THSD4: variants seen among roughly 807,000 people sequenced by gnomAD.
THSD4 encodes thrombospondin type 1 domain containing 4, also known as thrombospondin type-1 domain-containing protein 4.
A neutral mutation model predicts 119.0 loss-of-function variants in THSD4; 69 were observed. That is an observed-to-expected ratio of 0.58 (90% CI 0.48 to 0.71). The LOEUF (loss-of-function observed/expected upper bound fraction) is 0.71. Ranked by LOEUF, THSD4 falls within the 30% of genes least tolerant of loss-of-function variation. The pLI is 0.00. For synonymous variants in THSD4, 524 were observed against 540.4 expected, an observed-to-expected ratio of 0.97 and a Z score of 0.42; for missense variants, 1,393 against 1,391.1, an observed-to-expected ratio of 1.00 and a Z score of -0.02.
At chr15:71,375,361 C>G (rs761064633) in intron 6 of THSD4, among the ~76,000 whole-genome samples, 7 of 152,134 alleles carry the variant, frequency 4.6e-5, no homozygotes, top group Non-Finnish European at 1.0e-4. Context: ...TCTGAGCAGC[C>G]TTTTCTGACC....
chr15:71,675,687 C>T (rs2051631373), intron 8 of THSD4, among the ~76,000 whole-genome samples: 1 of 152,184 alleles, frequency 6.6e-6, no homozygotes, highest in African/African-American at 2.4e-5. Context: ...TCACAACACT[C>T]ACACAAGGTG....
At chr15:71,163,307 A>G (rs1380755843) in intron 3 of THSD4, among the ~76,000 whole-genome samples, 1 of 151,894 alleles carries the variant, frequency 6.6e-6, no homozygotes, top group Non-Finnish European at 1.5e-5. Flanking sequence ...TCCAGGACTC[A>G]GATGTTCAGT....
Position 71,378,002 on chromosome 15 carries a change from T to A in THSD4, c.1016-33685T>A, listed in dbSNP as rs2046173177. ...ATTTTCCACCTACTTATAGGCTTAG[T>A]TGTTCAAGGCTAGCTACTGAGATGT... On this transcript the variant is annotated intron_variant, in intron 6 of 17. Coordinates refer to ENST00000261862, the MANE Select transcript of THSD4 (RefSeq NM_024817.3). Among the ~76,000 whole-genome samples, 3 of 152,134 alleles carry A rather than the reference T, an allele frequency of 2.0e-5. No individual in the cohort carries two copies. In the South Asian group the frequency reaches 6.2e-4, roughly 32 times the overall value.
chr15:71,106,840 A>G (rs1321633092), intron 1 of THSD4, among the ~76,000 whole-genome samples: 1 of 151,912 alleles, frequency 6.6e-6, no homozygotes. Context: ...TGATTTGTAC[A>G]TTGAGTCTTA....
chr15:71,161,807 C>T (rs1306728194), intron 3 of THSD4, among the ~76,000 whole-genome samples: 2 of 151,524 alleles, frequency 1.3e-5, no homozygotes, highest in Admixed American at 6.6e-5. Flanking sequence ...TTTTGAAGAT[C>T]CTTTGTTTCT....
At chr15:71,494,444 A>G (rs2047977985) in intron 7 of THSD4, among the ~76,000 whole-genome samples, 2 of 152,178 alleles carry the variant, frequency 1.3e-5, no homozygotes, top group South Asian at 2.1e-4. Flanking sequence ...TAGCTCCCCA[A>G]TAGGACACTG....
At chr15:71,339,319 C>A (rs2045531739) in intron 6 of THSD4, among the ~76,000 whole-genome samples, 1 of 151,962 alleles carries the variant, frequency 6.6e-6, no homozygotes, top group African/African-American at 2.4e-5. Flanking sequence ...AGAAATACTC[C>A]TACTCATCCT....
intron 8 of THSD4, among the ~76,000 whole-genome samples, chr15:71,676,640 G>A (rs779874376): frequency 1.2e-4 from 18 of 151,886 alleles, no homozygotes; most frequent in South Asian, 2.1e-4. Flanking sequence ...TTCTTTCCCC[G>A]TCCTCCAAGC....
intron 7 of THSD4, among the ~76,000 whole-genome samples, chr15:71,603,907 C>T (rs1286171848): frequency 6.6e-6 from 1 of 152,096 alleles, no homozygotes; most frequent in East Asian, 1.9e-4. Context: ...AAGGAGAATT[C>T]AGTCCAAGGT....
At position 71,599,374 on chromosome 15, in the gene THSD4, C is replaced by G. The variant is rs80296878; in HGVS notation, c.1153-61156C>G. 0.012 allele frequency among the ~76,000 whole-genome samples: 1,757 copies of G among 152,224 alleles called. 96 individuals carry two copies. The East Asian group carries it at 0.17, about 15-fold the overall frequency. ...TGACATCATACACAGAGCCCACTTC[C>G]TGTCTAACTATTTTTTCACATTGTC... On this transcript the variant is annotated intron_variant, in intron 7 of 17. Coordinates refer to ENST00000261862, the MANE Select transcript of THSD4 (RefSeq NM_024817.3).
chr15:71,588,168 T>TGGTAGCGGGCGC (rs1390934052), intron 7 of THSD4, among the ~76,000 whole-genome samples: 1 of 149,120 alleles, frequency 6.7e-6, no homozygotes, highest in Non-Finnish European at 1.5e-5. Flanking sequence ...TAGCCGGGCG[T>TGGTAGCGGGCGC]GGTAGCGGGC....
chr15:71,269,761 A>G (rs917413485), intron 6 of THSD4, among the ~76,000 whole-genome samples: 1 of 152,236 alleles, frequency 6.6e-6, no homozygotes, highest in Non-Finnish European at 1.5e-5. Context: ...GTCTCAGGAT[A>G]CAAAATCAAT....
chr15:71,618,236 A>T (rs1425021766), intron 7 of THSD4, among the ~76,000 whole-genome samples: 1 of 152,226 alleles, frequency 6.6e-6, no homozygotes, highest in Non-Finnish European at 1.5e-5. Context: ...ATTGACAAGC[A>T]AAAGTTAAAG....
intron 7 of THSD4, among the ~76,000 whole-genome samples, chr15:71,486,611 G>GTTTTT (rs200120589): frequency 7.6e-5 from 10 of 131,708 alleles, no homozygotes; most frequent in African/African-American, 1.8e-4. Context: ...TTTCTTTTCT[G>GTTTTT]TTTTTTTTTT....
At chr15:71,124,654 C>T (rs879712893) in intron 1 of THSD4, among the ~76,000 whole-genome samples, 2 of 152,114 alleles carry the variant, frequency 1.3e-5, no homozygotes, top group Admixed American at 1.3e-4. Context: ...GGTAGTTATT[C>T]TAGTGAATTA....
intron 7 of THSD4, among the ~76,000 whole-genome samples, chr15:71,537,259 C>T (rs1355697525): frequency 6.6e-6 from 1 of 152,174 alleles, no homozygotes; most frequent in East Asian, 1.9e-4. Context: ...ATTCTTGCCT[C>T]CCTCTAATCC....
intron 8 of THSD4, among the ~76,000 whole-genome samples, chr15:71,720,813 C>T (rs895866784): frequency 1.3e-5 from 2 of 152,252 alleles, no homozygotes; most frequent in Non-Finnish European, 2.9e-5. Context: ...CTTCAGTATT[C>T]GGTTTGTTCG....
intron 7 of THSD4, among the ~76,000 whole-genome samples, chr15:71,647,086 C>T (rs1020126151): frequency 6.6e-6 from 1 of 152,152 alleles, no homozygotes; most frequent in African/African-American, 2.4e-5. Context: ...CTCATAAATA[C>T]AATCTGGATT....
chr15:71,609,851 CA>C (rs369430349), intron 7 of THSD4, among the ~76,000 whole-genome samples: 35 of 115,560 alleles, frequency 3.0e-4, no homozygotes, highest in Non-Finnish European at 3.8e-4. Context: ...GACTCCGTCT[CA>C]AAAAAAAAAA....
Sources: gnomAD v4.1 joint callset for allele counts (sites outside exome capture counted in the v4.1 genomes callset) on GRCh38, gnomAD v4.1.1 for gene constraint, MANE v1.5 for transcripts, NCBI Gene and HGNC (gene_info 2026-07-23, HGNC 2026-07-21) for gene names.